ZSWIM4: variants seen among roughly 807,000 people sequenced by gnomAD.
ZSWIM4 encodes the protein zinc finger SWIM domain-containing protein 4.
In ZSWIM4, 62 loss-of-function variants were observed where a neutral mutation model predicts 102.5. The observed-to-expected ratio is 0.60, with a 90% CI of 0.49 to 0.75. The LOEUF (loss-of-function observed/expected upper bound fraction) is 0.75. Ranked by LOEUF, ZSWIM4 falls within the 30% of genes least tolerant of loss-of-function variation. The probability of loss-of-function intolerance (pLI) is 0.00; values close to 1 mark genes in which losing one functional copy is unlikely to be tolerated. For missense variants in ZSWIM4, 1,280 were observed against 1,529.6 expected (o/e 0.84, Z 2.72); for synonymous variants, 652 against 674.5 (o/e 0.97, Z 0.52).
Position 13,831,244 on chromosome 19 carries a change from A to G in ZSWIM4, c.*194A>G. The G allele has an allele frequency of 1.4e-6, 1 of 689,692 alleles. No individual in the cohort carries two copies. Among genetic ancestry groups the G allele is most frequent in the East Asian group, 3.0e-5 (1 of 33,084 alleles). The allele number at this position is 689,692 out of a possible 1,614,324, so 42.7% of individuals were successfully genotyped here. On this transcript the variant is annotated 3_prime_UTR_variant, in exon 14 of 14. Transcript: ENST00000590508. ...TGTGAGCAAGTGTGCAAGACTCCAG[A>G]AGCAGAAGCCATACTGCCACCCAGA...
At chr19:13,813,297 G>A (rs1344380093) in intron 6 of ZSWIM4, 133 bp downstream of exon 6, 1 of 760,078 alleles carries the variant, frequency 1.3e-6, no homozygotes, top group Non-Finnish European at 2.0e-6. Context: ...GTCCTTGGCT[G>A]TTCTTCCAGG....
intron 7 of ZSWIM4, among the ~76,000 whole-genome samples, chr19:13,816,926 G>A (rs945378952): frequency 3.9e-5 from 6 of 152,140 alleles, no homozygotes; most frequent in South Asian, 2.1e-4. Flanking sequence ...TTTAGAAAGC[G>A]TCCAGTGGCC....
chr19:13,806,075 C>G (rs1974912609), intron 3 of ZSWIM4, among the ~76,000 whole-genome samples: 2 of 150,854 alleles, frequency 1.3e-5, no homozygotes, highest in African/African-American at 2.4e-5. Flanking sequence ...TGGAGTCTTC[C>G]TCTGTCACCC....
chr19:13,826,745 A>G (rs115894405), intron 12 of ZSWIM4, among the ~76,000 whole-genome samples: 2,142 of 152,018 alleles, frequency 0.014, 53 homozygotes, highest in African/African-American at 0.049. Flanking sequence ...AGCCTGAAGG[A>G]CGGAGCAAGA....
chr19:13,803,624 T>TCTC (rs1974832827), intron 2 of ZSWIM4, among the ~76,000 whole-genome samples: 1 of 150,524 alleles, frequency 6.6e-6, no homozygotes, highest in Non-Finnish European at 1.5e-5. Context: ...GCCAATATGG[T>TCTC]GAAACCTGAT....
At chr19:13,813,815 G>C (rs528029991) in intron 6 of ZSWIM4, among the ~76,000 whole-genome samples, 1 of 151,492 alleles carries the variant, frequency 6.6e-6, no homozygotes, top group African/African-American at 2.4e-5. Flanking sequence ...CGGATACTCA[G>C]GGGGCTGAGA....
intron 3 of ZSWIM4, among the ~76,000 whole-genome samples, chr19:13,806,592 A>T (rs985486079): frequency 2.6e-5 from 4 of 151,646 alleles, no homozygotes. Context: ...TGAGCGTGGG[A>T]GGTAAAGGCT....
At chr19:13,816,034 TGGG>T (rs931710535) in intron 7 of ZSWIM4, among the ~76,000 whole-genome samples, 6 of 32,242 alleles carry the variant, frequency 1.9e-4, no homozygotes, top group African/African-American at 7.4e-4. Context: ...CAGAGAGAGA[TGGG>T]GGGAGAGAGA....
Position 13,799,872 on chromosome 19 carries a change from C to T in ZSWIM4, c.306C>T (p.Arg102=), listed in dbSNP as rs561052809. Residue 102 remains arginine (R), a synonymous_variant, in exon 2 of 14, where the codon CGC becomes CGT. Coordinates refer to ENST00000590508, the MANE Select transcript of ZSWIM4 (RefSeq NM_001367834.3). Reference sequence around the variant, plus strand: ...ACGATGCCCGGGTGCCCTTTACCCGCGGGCTGCACCTGCTCCAGAGCGGGG... The same window carrying T: ...ACGATGCCCGGGTGCCCTTTACCCGTGGGCTGCACCTGCTCCAGAGCGGGG... ...GEHDARVPFT[R]GLHLLQSGAV... is the part of the protein sequence containing the mutation. 15 of 1,613,308 alleles carry T rather than the reference C, an allele frequency of 9.3e-6. No homozygotes were observed. In the Admixed American group the frequency reaches 1.2e-4, roughly 13 times the overall value.
chr19:13,821,577 G>A (rs1009895799), intron 10 of ZSWIM4, among the ~76,000 whole-genome samples: 5 of 151,994 alleles, frequency 3.3e-5, no homozygotes, highest in African/African-American at 9.7e-5. Flanking sequence ...AGACAGTCTC[G>A]CTCCATTGCC....
chr19:13,817,091 A>G, intron 7 of ZSWIM4, 125 bp from the exon 8 acceptor site: 1 of 1,357,086 alleles, frequency 7.4e-7, no homozygotes. Context: ...GAAGGTGACC[A>G]TTGGGTGAGC....
Position 13,814,775 on chromosome 19 carries a change from C to G in ZSWIM4, c.1441C>G (p.Arg481Gly), listed in dbSNP as rs900302015. The change falls in exon 7 of 14, where the codon CGC (arginine) becomes GGC (glycine). Residue 481 changes from arginine to glycine, a missense_variant. By Grantham distance (125) the Arg-to-Gly change is moderately radical. Transcript: ENST00000590508. ...CACCCTGCGTGCCCACGGATACCCC[C>G]GCCAGGCCCTGCGGCTGGCAAGTGC... ...VDTLRAHGYP[R>G]QALRLASAII... The G allele has an allele frequency of 8.6e-6, 11 of 1,286,204 alleles. No individual in the cohort carries two copies. In the Admixed American group the frequency reaches 2.5e-4, roughly 30 times the overall value. 79.7% of individuals were successfully genotyped at this position (1,286,204 alleles called of 1,614,324 possible).
intron 3 of ZSWIM4, 43 bp downstream of exon 3, chr19:13,805,191 C>T (rs371852667): frequency 4.4e-5 from 66 of 1,489,912 alleles, no homozygotes; most frequent in Non-Finnish European, 5.7e-5. Flanking sequence ...GATGCCCAAG[C>T]GCACAGCCAC....
chr19:13,804,001 A>C (rs189526013), intron 2 of ZSWIM4, among the ~76,000 whole-genome samples: 2,517 of 148,372 alleles, frequency 0.017, 40 homozygotes, highest in South Asian at 0.028. Flanking sequence ...AGCTGGGATT[A>C]CAGGCGCCCG....
intron 1 of ZSWIM4, 128 bp from the exon 2 acceptor site, chr19:13,799,592 T>G: frequency 1.1e-6 from 1 of 904,656 alleles, no homozygotes; most frequent in Non-Finnish European, 1.8e-6. Flanking sequence ...TTTGTAAAGA[T>G]GGGAGCCTCT....
At chr19:13,817,576 G>A in intron 8 of ZSWIM4, 146 bp from the exon 9 acceptor site, 3 of 1,132,136 alleles carry the variant, frequency 2.6e-6, no homozygotes, top group Non-Finnish European at 2.5e-6. Flanking sequence ...GGGCTCCCGC[G>A]CTCCCCCAAC....
At chr19:13,799,387 C>T (rs1322388020) in intron 1 of ZSWIM4, among the ~76,000 whole-genome samples, 2 of 151,494 alleles carry the variant, frequency 1.3e-5, no homozygotes, top group South Asian at 2.1e-4. Flanking sequence ...GATTTTCCTG[C>T]CTCAGCCTCC....
At position 13,819,436 on chromosome 19, in the gene ZSWIM4, C is replaced by T. The variant is rs370673824; in HGVS notation, c.2004C>T (p.Thr668=). The change falls in exon 10 of 14, where the codon ACC becomes ACT. Residue 668 remains threonine (T), a synonymous_variant. Coordinates refer to ENST00000590508, the MANE Select transcript of ZSWIM4 (RefSeq NM_001367834.3). ...PMHTCARYLF[T]ALLPHDPDLA... ...ACACCTGTGCCCGCTACCTGTTCACCGCACTGCTGCCTCATGACCCGGACC... is the reference window on the plus strand; with the variant it reads ...ACACCTGTGCCCGCTACCTGTTCACTGCACTGCTGCCTCATGACCCGGACC... The T allele has an allele frequency of 8.2e-5, 132 of 1,610,382 alleles. No individual in the cohort carries two copies. Among genetic ancestry groups the T allele is most frequent in the Admixed American group, 1.8e-4 (11 of 59,506 alleles).
chr19:13,824,723 A>ACTCC (rs1462346097), intron 11 of ZSWIM4, among the ~76,000 whole-genome samples: 6 of 149,722 alleles, frequency 4.0e-5, no homozygotes, highest in Admixed American at 3.4e-4. Flanking sequence ...CAAGAACAAA[A>ACTCC]CTCCATCTCA....
Sources: allele counts gnomAD v4.1 joint callset (sites outside exome capture counted in the v4.1 genomes callset), GRCh38; gene constraint gnomAD v4.1.1; transcripts MANE v1.5; gene names NCBI Gene and HGNC (gene_info 2026-07-23, HGNC 2026-07-21).